SCD5: variants seen among roughly 807,000 people sequenced by gnomAD.
The protein encoded by SCD5 is acyl-CoA-desaturase 4.
A neutral mutation model predicts 30.4 loss-of-function variants in SCD5; 20 were observed. That is an observed-to-expected ratio of 0.66 (90% CI 0.46 to 0.96). SCD5 has a LOEUF of 0.96. Ranked by LOEUF, SCD5 falls within the 40% of genes least tolerant of loss-of-function variation. SCD5 has a pLI of 0.00. For missense variants in SCD5, 381 were observed against 443.3 expected, an observed-to-expected ratio of 0.86 and a Z score of 1.26; for synonymous variants, 173 against 176.4, an observed-to-expected ratio of 0.98 and a Z score of 0.16.
intron 3 of SCD5, among the ~76,000 whole-genome samples, chr4:82,674,195 G>C (rs1029283799): frequency 5.3e-5 from 8 of 152,186 alleles, no homozygotes; most frequent in Admixed American, 5.2e-4. Context: ...ATACTGTCAA[G>C]AGAATAAAAG....
chr4:82,785,117 C>A (rs1388040243), intron 1 of SCD5, among the ~76,000 whole-genome samples: 2 of 152,180 alleles, frequency 1.3e-5, no homozygotes, highest in Admixed American at 1.3e-4. Flanking sequence ...GCTTCGCTCA[C>A]CACCCCCCAT....
chr4:82,798,167 C>T (rs538689420), intron 1 of SCD5, 139 bp downstream of exon 1: 6 of 975,074 alleles, frequency 6.2e-6, no homozygotes, highest in Non-Finnish European at 7.5e-6. Context: ...CCAAGGGGGC[C>T]GCGGCGCGCA....
intron 2 of SCD5, among the ~76,000 whole-genome samples, chr4:82,696,890 A>G (rs1488928505): frequency 6.6e-6 from 1 of 152,230 alleles, no homozygotes; most frequent in East Asian, 1.9e-4. Context: ...CAATGTCCAT[A>G]AACATTTTTG....
chr4:82,713,970 T>C (rs1339926507), intron 1 of SCD5, among the ~76,000 whole-genome samples: 2 of 152,194 alleles, frequency 1.3e-5, no homozygotes, highest in African/African-American at 4.8e-5. Flanking sequence ...GCCTGGGTAC[T>C]CTATGATCGC....
intron 2 of SCD5, among the ~76,000 whole-genome samples, chr4:82,683,376 C>T (rs553202123): frequency 2.0e-5 from 3 of 152,206 alleles, no homozygotes; most frequent in African/African-American, 7.2e-5. Flanking sequence ...TTGTAGTGCC[C>T]ATGTGAACAC....
intron 3 of SCD5, among the ~76,000 whole-genome samples, chr4:82,643,832 G>A (rs924928938): frequency 4.6e-5 from 7 of 152,170 alleles, no homozygotes; most frequent in African/African-American, 1.2e-4. Flanking sequence ...CACCCAGTCC[G>A]GCAACAGCCA....
At chr4:82,688,291 T>C (rs115455499) in intron 2 of SCD5, among the ~76,000 whole-genome samples, 3,514 of 152,158 alleles carry the variant, frequency 0.023, 56 homozygotes, top group Middle Eastern at 0.078. Flanking sequence ...TGCATGTACA[T>C]GTGCATGTGC....
chr4:82,708,291 AT>A (rs1720009533), intron 1 of SCD5, among the ~76,000 whole-genome samples: 1 of 152,198 alleles, frequency 6.6e-6, no homozygotes, highest in South Asian at 2.1e-4. Flanking sequence ...TTCCCATTGG[AT>A]TTTGTTATTA....
At chr4:82,709,010 G>A (rs1042864799) in intron 1 of SCD5, among the ~76,000 whole-genome samples, 1 of 152,130 alleles carries the variant, frequency 6.6e-6, no homozygotes, top group Non-Finnish European at 1.5e-5. Context: ...TAGGGGGTAG[G>A]TGCCATTATG....
rs566166193 is a variant in SCD5 at position 82,679,343 on chromosome 4, AT to A, written c.569+1363del. 1.1e-3 allele frequency among the ~76,000 whole-genome samples: 166 copies of A among 152,186 alleles called. 1 individual carries two copies. Among genetic ancestry groups the A allele is most frequent in the African/African-American group, 3.7e-3 (154 of 41,528 alleles). ...TCTGCTATAAAACTTGATACTGGGT[AT>A]TTTCACCTAAAAGAGCTGAATTGAT... On this transcript the variant is annotated intron_variant, in intron 3 of 4. Transcript: ENST00000319540.
chr4:82,732,617 C>T (rs28741677), intron 1 of SCD5, among the ~76,000 whole-genome samples: 28,167 of 152,128 alleles, frequency 0.19, 2,943 homozygotes, highest in African/African-American at 0.28. Context: ...GGACAGGCTC[C>T]GGCTACCTCC....
intron 1 of SCD5, among the ~76,000 whole-genome samples, chr4:82,784,087 GGATA>G (rs1721937457): frequency 6.6e-6 from 1 of 152,100 alleles, no homozygotes; most frequent in South Asian, 2.1e-4. Context: ...TGGCGAATCT[GGATA>G]GAGTCTACGG....
At chr4:82,786,921 T>C (rs1223041485) in intron 1 of SCD5, among the ~76,000 whole-genome samples, 1 of 152,086 alleles carries the variant, frequency 6.6e-6, no homozygotes, top group Non-Finnish European at 1.5e-5. Flanking sequence ...TTTTACACAA[T>C]GGCTATGCCA....
chr4:82,754,191 G>C (rs1721175392), intron 1 of SCD5, among the ~76,000 whole-genome samples: 1 of 152,208 alleles, frequency 6.6e-6, no homozygotes, highest in Non-Finnish European at 1.5e-5. Context: ...GAGAATGACA[G>C]TGCAGGGAGA....
At chr4:82,770,611 T>G (rs967907872) in intron 1 of SCD5, among the ~76,000 whole-genome samples, 3 of 152,214 alleles carry the variant, frequency 2.0e-5, no homozygotes, top group African/African-American at 7.2e-5. Flanking sequence ...AAATAATAAG[T>G]ATGGGAATGA....
At chr4:82,749,159 GAA>G (rs1459226245) in intron 1 of SCD5, among the ~76,000 whole-genome samples, 1 of 152,206 alleles carries the variant, frequency 6.6e-6, no homozygotes, top group Non-Finnish European at 1.5e-5. Context: ...CTGAGACAAA[GAA>G]TGATAAATTT....
chr4:82,773,918 C>T (rs564053094), intron 1 of SCD5, among the ~76,000 whole-genome samples: 1 of 151,904 alleles, frequency 6.6e-6, no homozygotes, highest in Admixed American at 6.6e-5. Context: ...GGTGAAACCT[C>T]GTCTTACTAA....
At chr4:82,670,207 T>C (rs1227532538) in intron 3 of SCD5, among the ~76,000 whole-genome samples, 1 of 152,260 alleles carries the variant, frequency 6.6e-6, no homozygotes, top group East Asian at 1.9e-4. Flanking sequence ...GACCTTGGAA[T>C]TGTCACACAG....
At chr4:82,666,661 T>G (rs1728198040) in intron 3 of SCD5, among the ~76,000 whole-genome samples, 1 of 152,236 alleles carries the variant, frequency 6.6e-6, no homozygotes, top group African/African-American at 2.4e-5. Flanking sequence ...CTTTGTAAAA[T>G]TTAACCTTGC....
Sources: gnomAD v4.1 joint callset for allele counts (sites outside exome capture counted in the v4.1 genomes callset) on GRCh38, gnomAD v4.1.1 for gene constraint, MANE v1.5 for transcripts, NCBI Gene and HGNC (gene_info 2026-07-23, HGNC 2026-07-21) for gene names.